KCNB2: variants seen among roughly 807,000 people sequenced by gnomAD.
KCNB2 encodes potassium voltage-gated channel subfamily B member 2, also known as delayed rectifier potassium channel protein.
KCNB2 carries 15 observed loss-of-function variants against 61.5 expected under a neutral mutation model. The ratio of observed to expected loss-of-function variants is 0.24; its 90% CI spans 0.16 to 0.38. The LOEUF (loss-of-function observed/expected upper bound fraction) is 0.38, where lower values mean the gene tolerates loss of function less well. Ranked by LOEUF, KCNB2 falls within the 10% of genes least tolerant of loss-of-function variation. The pLI, the probability that KCNB2 is intolerant of heterozygous loss-of-function variation, is 1.00. For synonymous variants in KCNB2, 457 were observed against 446.0 expected, an observed-to-expected ratio of 1.02 and a Z score of -0.31; for missense variants, 828 against 1,125.2, an observed-to-expected ratio of 0.74 and a Z score of 3.78.
chr8:72,759,730 G>A (rs1808346737), intron 2 of KCNB2, among the ~76,000 whole-genome samples: 1 of 152,304 alleles, frequency 6.6e-6, no homozygotes, highest in Non-Finnish European at 1.5e-5. Flanking sequence ...GTGATACAAG[G>A]TTCAGTCTGC....
chr8:72,683,131 C>T (rs1024087887), intron 2 of KCNB2, among the ~76,000 whole-genome samples: 1 of 152,180 alleles, frequency 6.6e-6, no homozygotes, highest in African/African-American at 2.4e-5. Flanking sequence ...AAAGAACTTT[C>T]TTATTCTTTC....
intron 2 of KCNB2, among the ~76,000 whole-genome samples, chr8:72,868,067 TA>T (rs1805559445): frequency 6.8e-6 from 1 of 146,000 alleles, no homozygotes; most frequent in Admixed American, 6.8e-5. Flanking sequence ...TTTTTTTTTT[TA>T]TTATTTATTT....
intron 2 of KCNB2, among the ~76,000 whole-genome samples, chr8:72,668,516 T>G (rs960782157): frequency 3.3e-5 from 5 of 152,132 alleles, no homozygotes; most frequent in Admixed American, 2.0e-4. Flanking sequence ...GCCTGCTAAG[T>G]TAATCCTTTA....
chr8:72,908,987 C>G (rs1013076533), intron 2 of KCNB2, among the ~76,000 whole-genome samples: 1 of 152,122 alleles, frequency 6.6e-6, no homozygotes, highest in Non-Finnish European at 1.5e-5. Context: ...ACAGTTTCAG[C>G]AAGATTGGAA....
At chr8:72,711,145 A>G (rs1807319238) in intron 2 of KCNB2, among the ~76,000 whole-genome samples, 1 of 152,206 alleles carries the variant, frequency 6.6e-6, no homozygotes, top group South Asian at 2.1e-4. Context: ...TGGCAGAGGA[A>G]AAGACAGCTG....
At chr8:72,868,145 C>T (rs1805561801) in intron 2 of KCNB2, among the ~76,000 whole-genome samples, 1 of 150,290 alleles carries the variant, frequency 6.7e-6, no homozygotes, top group East Asian at 2.0e-4. Context: ...AATCATAGCT[C>T]ACTGTAGCCT....
chr8:72,668,340 C>T (rs1806512024), intron 2 of KCNB2, among the ~76,000 whole-genome samples: 1 of 152,178 alleles, frequency 6.6e-6, no homozygotes. Flanking sequence ...CACAAGTCCC[C>T]ACCATAAATC....
chr8:72,764,355 G>A (rs944194112), intron 2 of KCNB2, among the ~76,000 whole-genome samples: 4 of 152,160 alleles, frequency 2.6e-5, no homozygotes, highest in Non-Finnish European at 4.4e-5. Context: ...CTCACAAAGA[G>A]GTTGGAGATG....
intron 2 of KCNB2, among the ~76,000 whole-genome samples, chr8:72,873,148 C>G (rs1417983668): frequency 1.3e-5 from 2 of 152,212 alleles, no homozygotes; most frequent in African/African-American, 4.8e-5. Context: ...TCAGTGGTGA[C>G]TTTTTGTCTT....
chr8:72,688,055 G>T (rs1172218442), intron 2 of KCNB2, among the ~76,000 whole-genome samples: 1 of 152,178 alleles, frequency 6.6e-6, no homozygotes, highest in Non-Finnish European at 1.5e-5. Flanking sequence ...TAGAACCAAA[G>T]CCTGGAAACC....
At chr8:72,667,260 G>A (rs1265748491) in intron 2 of KCNB2, among the ~76,000 whole-genome samples, 3 of 152,050 alleles carry the variant, frequency 2.0e-5, no homozygotes, top group African/African-American at 7.2e-5. Flanking sequence ...CTGAATGATG[G>A]AGGTCCTCAG....
chr8:72,714,769 C>A (rs1039977418), intron 2 of KCNB2, among the ~76,000 whole-genome samples: 7 of 152,086 alleles, frequency 4.6e-5, no homozygotes, highest in Non-Finnish European at 1.0e-4. Flanking sequence ...GCAAAATAAC[C>A]AGCTAACATC....
chr8:72,937,839 C>A lies in KCNB2; in HGVS notation c.2484C>A (p.Asp828Glu). ...GGGCAAGGGAGGAGAAGCAGGTGGA[C>A]TCCAGCCCAAATTGCTTTGCAGATA... The part of the protein sequence containing the change: ...LPGAREEKQV[D>E]SSPNCFADKP... Residue 828 changes from aspartate to glutamate, a missense_variant, in exon 3 of 3, where the codon GAC becomes GAA. Physicochemically the swap from Asp to Glu is conservative, Grantham distance 45. Around this residue, in one of 4 missense-constraint regions of KCNB2, gnomAD observed 559 missense variants for 588.4 expected, o/e 0.95. Coordinates refer to ENST00000523207, the MANE Select transcript of KCNB2 (RefSeq NM_004770.3). The A allele has an allele frequency of 1.2e-6, 2 of 1,614,072 alleles. No individual in the cohort carries two copies. The highest frequency in any genetic ancestry group is 1.7e-6 in the Non-Finnish European group (2 of 1,180,016).
rs117825509 is a variant in KCNB2, at chr8:72,845,916, G to A, written c.580-90019G>A. Among the ~76,000 whole-genome samples the A allele has an allele frequency of 4.1e-4, 62 of 152,020 alleles. 1 individual carries two copies. In the East Asian group the frequency reaches 8.7e-3, roughly 21 times the overall value. On this transcript the variant is annotated intron_variant, in intron 2 of 2. Transcript: ENST00000523207. Reference sequence around the variant, plus strand: ...TCCACTGAGCTAAACCACTTGGTTCGCTGGCTTCAGCCACCTTTCCAGAGG... The same window carrying A: ...TCCACTGAGCTAAACCACTTGGTTCACTGGCTTCAGCCACCTTTCCAGAGG...
rs1460154865 is a variant in KCNB2, at chr8:72,847,296, TA to T, written c.580-88638del. Among the ~76,000 whole-genome samples, 139 of 152,322 alleles carry T rather than the reference TA, an allele frequency of 9.1e-4. 2 individuals carry two copies. Among genetic ancestry groups the T allele is most frequent in the African/African-American group, 3.1e-3 (131 of 41,590 alleles). The stretch of plus-strand genomic sequence containing the variant: ...TCAGAAGCAAACTTCAATGTTCCCT[TA>T]GGAAAACCAAGCACCCAACTGGTGC... On this transcript the variant is annotated intron_variant, in intron 2 of 2. Transcript: ENST00000523207.
chr8:72,600,815 C>A (rs565233292), intron 2 of KCNB2, among the ~76,000 whole-genome samples: 2 of 151,882 alleles, frequency 1.3e-5, no homozygotes, highest in Non-Finnish European at 2.9e-5. Context: ...TAGAGGGGAA[C>A]AACAAATACT....
At chr8:72,923,343 G>A (rs985593353) in intron 2 of KCNB2, among the ~76,000 whole-genome samples, 2 of 152,040 alleles carry the variant, frequency 1.3e-5, no homozygotes, top group Non-Finnish European at 2.9e-5. Flanking sequence ...CACAAAAGAC[G>A]GTTTTGTAGG....
chr8:72,834,891 C>T (rs914205546), intron 2 of KCNB2, among the ~76,000 whole-genome samples: 3 of 152,168 alleles, frequency 2.0e-5, no homozygotes, highest in Non-Finnish European at 4.4e-5. Flanking sequence ...TTTTGTCACT[C>T]TGTGTGGAAC....
chr8:72,601,305 A>G (rs73303730), intron 2 of KCNB2, among the ~76,000 whole-genome samples: 1 of 152,320 alleles, frequency 6.6e-6, no homozygotes, highest in African/African-American at 2.4e-5. Context: ...TTCAAAGACA[A>G]AACTTTAGTA....
Sources: gnomAD v4.1 joint callset for allele counts (sites outside exome capture counted in the v4.1 genomes callset) on GRCh38, gnomAD v4.1.1 for gene constraint, gnomAD v4.1.1 regional missense constraint, MANE v1.5 for transcripts, NCBI Gene and HGNC (gene_info 2026-07-23, HGNC 2026-07-21) for gene names.